Variants in MACROD2 observed in about 807,000 individuals in gnomAD.
MACROD2 encodes the protein ADP-ribose glycohydrolase MACROD2.
In MACROD2, 36 loss-of-function variants were observed where a neutral mutation model predicts 70.4. The observed-to-expected ratio is 0.51, with a 90% CI of 0.39 to 0.68. The LOEUF (loss-of-function observed/expected upper bound fraction) is 0.68. Ranked by LOEUF, MACROD2 falls within the 30% of genes least tolerant of loss-of-function variation. The pLI is 0.00. For synonymous variants in MACROD2, 172 were observed against 178.8 expected (o/e 0.96, Z 0.30); for missense variants, 496 against 538.4 (o/e 0.92, Z 0.78).
At chr20:14,753,939 G>A (rs2071908068) in intron 5 of MACROD2, among the ~76,000 whole-genome samples, 1 of 151,938 alleles carries the variant, frequency 6.6e-6, no homozygotes, top group South Asian at 2.1e-4. Flanking sequence ...CTTGATAACA[G>A]GAAATATGTG....
intron 3 of MACROD2, among the ~76,000 whole-genome samples, chr20:14,312,002 A>G (rs951566080): frequency 6.6e-5 from 10 of 152,296 alleles, no homozygotes; most frequent in Middle Eastern, 3.4e-3. Context: ...ATAATAAAAT[A>G]TTTTCTGAGT....
intron 3 of MACROD2, among the ~76,000 whole-genome samples, chr20:14,289,540 T>A (rs1313248692): frequency 6.6e-6 from 1 of 152,166 alleles, no homozygotes; most frequent in African/African-American, 2.4e-5. Context: ...ATAGTCTGTT[T>A]GTTTGTTTTT....
At chr20:15,641,648 C>T (rs2049461948) in intron 8 of MACROD2, among the ~76,000 whole-genome samples, 1 of 152,182 alleles carries the variant, frequency 6.6e-6, no homozygotes. Context: ...CATCCTAACA[C>T]ACAAGCGTCT....
chr20:15,254,929 C>CTTTTTT (rs762538763), intron 6 of MACROD2, among the ~76,000 whole-genome samples: 3 of 80,530 alleles, frequency 3.7e-5, no homozygotes, highest in Non-Finnish European at 7.1e-5. Flanking sequence ...CAAAGCACAC[C>CTTTTTT]TTTTTTTTTT....
intron 8 of MACROD2, among the ~76,000 whole-genome samples, chr20:15,821,855 A>G (rs542529071): frequency 2.0e-4 from 30 of 152,294 alleles, no homozygotes; most frequent in African/African-American, 7.2e-4. Context: ...TCTTAGTCTT[A>G]GAACCAGTCC....
At chr20:14,153,259 A>T (rs2055050283) in intron 3 of MACROD2, among the ~76,000 whole-genome samples, 1 of 152,206 alleles carries the variant, frequency 6.6e-6, no homozygotes. Context: ...AATCTTTTCG[A>T]GTGAGAAATA....
rs571414657 is a variant in MACROD2, at chr20:14,195,214, A to G, written c.271+109486A>G. Among the ~76,000 whole-genome samples, 6 of 152,314 alleles carry G rather than the reference A, an allele frequency of 3.9e-5. No homozygotes were observed. The South Asian group carries it at 8.3e-4, about 21-fold the overall frequency. On this transcript the variant is annotated intron_variant, in intron 3 of 17. Transcript: ENST00000684519. Reference sequence around the variant, plus strand: ...GGAGAAACCAGTTGCAAAAAGGGATATAAAAAGAAAGTTGTCAAAAATGTT... The same window carrying G: ...GGAGAAACCAGTTGCAAAAAGGGATGTAAAAAGAAAGTTGTCAAAAATGTT...
At chr20:14,696,444 TA>T (rs1706842030) in intron 5 of MACROD2, among the ~76,000 whole-genome samples, 1 of 152,178 alleles carries the variant, frequency 6.6e-6, no homozygotes, top group South Asian at 2.1e-4. Flanking sequence ...GAAGCAGAGG[TA>T]ACTTCTCATC....
chr20:15,879,025 C>T (rs1274941900), intron 9 of MACROD2, among the ~76,000 whole-genome samples: 1 of 152,002 alleles, frequency 6.6e-6, no homozygotes, highest in African/African-American at 2.4e-5. Context: ...AAAGAGGTCC[C>T]GTAAGATTAA....
At chr20:14,659,279 A>G (rs1986118951) in intron 4 of MACROD2, among the ~76,000 whole-genome samples, 1 of 152,210 alleles carries the variant, frequency 6.6e-6, no homozygotes, top group Admixed American at 6.5e-5. Context: ...AGTTATGTAT[A>G]ATACATATAT....
chr20:15,099,041 C>T (rs1348566943), intron 5 of MACROD2, among the ~76,000 whole-genome samples: 1 of 152,204 alleles, frequency 6.6e-6, no homozygotes, highest in Non-Finnish European at 1.5e-5. Context: ...CCTGCCTGTA[C>T]TTTAACCAGA....
At chr20:14,743,486 C>T (rs1030357542) in intron 5 of MACROD2, among the ~76,000 whole-genome samples, 7 of 151,968 alleles carry the variant, frequency 4.6e-5, no homozygotes, top group African/African-American at 1.2e-4. Context: ...TGAAGGAAGA[C>T]GACCACAAGT....
At chr20:15,660,856 C>A (rs199721230) in intron 8 of MACROD2, among the ~76,000 whole-genome samples, 4 of 125,196 alleles carry the variant, frequency 3.2e-5, no homozygotes, top group African/African-American at 8.6e-5. Context: ...CATTCTTTTT[C>A]TTTTTATTAA....
At chr20:14,950,289 TTCA>T (rs1401781898) in intron 5 of MACROD2, among the ~76,000 whole-genome samples, 1 of 152,084 alleles carries the variant, frequency 6.6e-6, no homozygotes, top group Admixed American at 6.6e-5. Context: ...ACACTGGTTG[TTCA>T]TTAGGGACCA....
chr20:15,335,362 T>G (rs2078036849), intron 6 of MACROD2, among the ~76,000 whole-genome samples: 1 of 151,802 alleles, frequency 6.6e-6, no homozygotes, highest in Non-Finnish European at 1.5e-5. Context: ...TTCCAAGGTT[T>G]TTTTTTCCAT....
At chr20:15,469,042 A>T (rs191286450) in intron 7 of MACROD2, among the ~76,000 whole-genome samples, 1 of 152,358 alleles carries the variant, frequency 6.6e-6, no homozygotes, top group East Asian at 1.9e-4. Flanking sequence ...GATATTTAGG[A>T]GCTCATGTAG....
chr20:15,081,451 G>C (rs972447112), intron 5 of MACROD2, among the ~76,000 whole-genome samples: 3 of 152,110 alleles, frequency 2.0e-5, no homozygotes, highest in African/African-American at 7.2e-5. Context: ...TTTTCTGCTA[G>C]TTCCAATAAT....
At chr20:15,025,963 G>A (rs1432209877) in intron 5 of MACROD2, among the ~76,000 whole-genome samples, 1 of 152,166 alleles carries the variant, frequency 6.6e-6, no homozygotes, top group Admixed American at 6.5e-5. Flanking sequence ...TGTCTAGTGG[G>A]ATGCATTTGC....
chr20:15,794,575 G>C (rs1263581490), intron 8 of MACROD2, among the ~76,000 whole-genome samples: 1 of 152,138 alleles, frequency 6.6e-6, no homozygotes, highest in Non-Finnish European at 1.5e-5. Context: ...GATCAAATCT[G>C]GTGGTTCATT....
Sources: gnomAD v4.1 joint callset for allele counts (sites outside exome capture counted in the v4.1 genomes callset) on GRCh38, gnomAD v4.1.1 for gene constraint, MANE v1.5 for transcripts, NCBI Gene and HGNC (gene_info 2026-07-23, HGNC 2026-07-21) for gene names.